Variants in REXO5 observed in about 807,000 individuals in gnomAD.
The protein encoded by REXO5 is exonuclease NEF-sp.
In REXO5, 48 loss-of-function variants were observed where a neutral mutation model predicts 88.5. The ratio of observed to expected loss-of-function variants is 0.54; its 90% CI spans 0.43 to 0.69. The LOEUF (loss-of-function observed/expected upper bound fraction) is 0.69. Among genes scored for constraint, REXO5 ranks in the 30% least tolerant of loss-of-function variants. The pLI is 0.00. For synonymous variants in REXO5, 311 were observed against 336.5 expected (o/e 0.92, Z 0.83); for missense variants, 749 against 912.2 (o/e 0.82, Z 2.30).
At chr16:20,826,411 C>G (rs2081261155) in intron 8 of REXO5, among the ~76,000 whole-genome samples, 1 of 152,214 alleles carries the variant, frequency 6.6e-6, no homozygotes, top group Non-Finnish European at 1.5e-5. Context: ...AGCATGTAAT[C>G]TCAGAATGTA....
Position 20,807,073 on chromosome 16 carries a change from G to A in REXO5, c.120G>A (p.Glu40=), listed in dbSNP as rs771611246. 1.9e-5 allele frequency: 30 copies of A among 1,603,818 alleles called. No homozygotes were observed. The South Asian group carries it at 3.2e-4, about 17-fold the overall frequency. ...TGAAAGCCGGTTGGGATCTCGAGGAGAGTCAGCCCGAGGCCAAGGTGAGCA... is the reference window on the plus strand; with the variant it reads ...TGAAAGCCGGTTGGGATCTCGAGGAAAGTCAGCCCGAGGCCAAGGTGAGCA... ...EAMKAGWDLE[E]SQPEAKKARL... is the part of the protein sequence containing the mutation. The change falls in exon 2 of 20, where the codon GAG becomes GAA. Residue 40 remains glutamate (E), a synonymous_variant. Coordinates refer to ENST00000261377, the MANE Select transcript of REXO5 (RefSeq NM_030941.3).
At chr16:20,843,188 T>C (rs1375115102) in intron 15 of REXO5, among the ~76,000 whole-genome samples, 1 of 152,224 alleles carries the variant, frequency 6.6e-6, no homozygotes, top group African/African-American at 2.4e-5. Context: ...CAGTTCCAGC[T>C]ACTCTGCAGT....
At chr16:20,819,572 A>G (rs1264620546) in intron 5 of REXO5, among the ~76,000 whole-genome samples, 1 of 149,942 alleles carries the variant, frequency 6.7e-6, no homozygotes, top group Non-Finnish European at 1.5e-5. Flanking sequence ...CCTGACCAAC[A>G]TGGAGAAATC....
At chr16:20,839,956 T>G in intron 14 of REXO5, 97 bp downstream of exon 14, 1 of 787,172 alleles carries the variant, frequency 1.3e-6, no homozygotes, top group Non-Finnish European at 2.0e-6. Flanking sequence ...ATTTGTTGTG[T>G]TTTTCTCTAG....
Position 20,806,646 on chromosome 16 carries a change from A to C in REXO5, c.-62A>C. The C allele has an allele frequency of 8.3e-7, 1 of 1,209,518 alleles. No individual in the cohort carries two copies. The highest frequency in any genetic ancestry group is 2.6e-5 in the East Asian group (1 of 38,072). 74.9% of individuals were successfully genotyped at this position (1,209,518 alleles called of 1,614,324 possible). ...TTAGGCGGCGAAGCCGCTCGGCAGC[A>C]CCTTCCTTCTTTGCCAGGCAGACGC... On this transcript the variant is annotated 5_prime_UTR_variant, in exon 1 of 20. Coordinates refer to ENST00000261377, the MANE Select transcript of REXO5 (RefSeq NM_030941.3).
At chr16:20,808,425 C>T (rs1438675458) in intron 2 of REXO5, among the ~76,000 whole-genome samples, 2 of 152,278 alleles carry the variant, frequency 1.3e-5, no homozygotes, top group South Asian at 4.1e-4. Flanking sequence ...CTGCCTCTTA[C>T]AGGCATGAGC....
intron 2 of REXO5, among the ~76,000 whole-genome samples, chr16:20,812,717 T>A (rs776708115): frequency 2.6e-5 from 4 of 152,110 alleles, no homozygotes; most frequent in Non-Finnish European, 5.9e-5. Flanking sequence ...TGCCAAACCA[T>A]ACTACATGTT....
At chr16:20,825,985 ATC>A in intron 8 of REXO5, 37 bp downstream of exon 8, 13 of 1,339,184 alleles carry the variant, frequency 9.7e-6, no homozygotes, top group Non-Finnish European at 1.4e-5. Flanking sequence ...TCTAAGAGCT[ATC>A]GGGCTAGAAT....
chr16:20,847,770 T>C (rs1010984448), intron 19 of REXO5, among the ~76,000 whole-genome samples: 1 of 152,192 alleles, frequency 6.6e-6, no homozygotes, highest in African/African-American at 2.4e-5. Flanking sequence ...ATGTGGGCTC[T>C]GGGGAACAGA....
intron 2 of REXO5, among the ~76,000 whole-genome samples, chr16:20,809,827 T>G (rs2080969144): frequency 1.3e-5 from 2 of 152,226 alleles, no homozygotes; most frequent in Admixed American, 6.5e-5. Flanking sequence ...TCAGCCTCAG[T>G]GTAGCTGAGG....
chr16:20,807,803 A>T (rs922174140), intron 2 of REXO5, among the ~76,000 whole-genome samples: 3 of 151,708 alleles, frequency 2.0e-5, no homozygotes, highest in Non-Finnish European at 2.9e-5. Flanking sequence ...ATGTTCATCG[A>T]TATCCTGGGG....
intron 5 of REXO5, among the ~76,000 whole-genome samples, chr16:20,817,083 A>G (rs773758979): frequency 2.0e-5 from 3 of 152,228 alleles, no homozygotes; most frequent in African/African-American, 7.2e-5. Flanking sequence ...AAGGTTAGGT[A>G]TTGTTCAATG....
At chr16:20,837,438 C>T (rs987459565) in intron 13 of REXO5, among the ~76,000 whole-genome samples, 4 of 152,094 alleles carry the variant, frequency 2.6e-5, no homozygotes, top group African/African-American at 9.7e-5. Context: ...TAATTTTCTT[C>T]CTCATGGACT....
intron 5 of REXO5, among the ~76,000 whole-genome samples, chr16:20,817,510 G>C (rs1040723112): frequency 2.0e-5 from 3 of 152,218 alleles, no homozygotes; most frequent in African/African-American, 7.2e-5. Flanking sequence ...GCAGATTAAA[G>C]CCATATCCTG....
intron 15 of REXO5, among the ~76,000 whole-genome samples, chr16:20,842,217 G>T: frequency 6.8e-6 from 1 of 147,712 alleles, no homozygotes; most frequent in Non-Finnish European, 1.5e-5. Context: ...CCCAGCCCCT[G>T]GTAATCATTG....
At chr16:20,819,644 A>T (rs556352350) in intron 5 of REXO5, among the ~76,000 whole-genome samples, 156 of 150,606 alleles carry the variant, frequency 1.0e-3, no homozygotes, top group South Asian at 5.5e-3. Context: ...AATCCCAGCT[A>T]CTCAGGAGGC....
chr16:20,814,926 G>A lies in REXO5; in HGVS notation c.252-1G>A, dbSNP rs1167998074. On this transcript the variant is annotated splice_acceptor_variant, in intron 3 of 19. Transcript: ENST00000261377. LOFTEE classifies it high-confidence loss of function. ...ACTGTGTTGGTTTGATTTCTTGGCA[G>A]CTGGTGCCAGCTTTTTCATCAAAAC... 6.2e-7 allele frequency: 1 copy of A among 1,611,364 alleles called. No individual in the cohort carries two copies. Among genetic ancestry groups the A allele is most frequent in the East Asian group, 2.2e-5 (1 of 44,770 alleles).
At chr16:20,827,786 T>C (rs2081281599) in intron 10 of REXO5, among the ~76,000 whole-genome samples, 2 of 152,186 alleles carry the variant, frequency 1.3e-5, no homozygotes. Context: ...CATTATAACA[T>C]GGTTTAAAAT....
chr16:20,818,065 C>T (rs1040783919), intron 5 of REXO5, among the ~76,000 whole-genome samples: 7 of 152,150 alleles, frequency 4.6e-5, no homozygotes, highest in African/African-American at 1.7e-4. Context: ...TGTCTGCATG[C>T]CTAATTCCCT....
Sources: allele counts gnomAD v4.1 joint callset (sites outside exome capture counted in the v4.1 genomes callset), GRCh38; gene constraint gnomAD v4.1.1; transcripts MANE v1.5; gene names NCBI Gene and HGNC (gene_info 2026-07-23, HGNC 2026-07-21).